PDE8A: variants seen among roughly 807,000 people sequenced by gnomAD.
The protein encoded by PDE8A is high affinity cAMP-specific and IBMX-insensitive 3',5'-cyclic phosphodiesterase 8A.
A neutral mutation model predicts 105.0 loss-of-function variants in PDE8A; 59 were observed. The observed-to-expected ratio is 0.56, with a 90% CI of 0.46 to 0.70. PDE8A has a LOEUF of 0.70. Among genes scored for constraint, PDE8A ranks in the 30% least tolerant of loss-of-function variants. The pLI is 0.00. For missense variants in PDE8A, 1,014 were observed against 1,045.9 expected (o/e 0.97, Z 0.42); for synonymous variants, 355 against 371.9 (o/e 0.95, Z 0.52).
chr15:85,015,717 G>C (rs1465683465), intron 1 of PDE8A, among the ~76,000 whole-genome samples: 1 of 151,926 alleles, frequency 6.6e-6, no homozygotes, highest in Non-Finnish European at 1.5e-5. Context: ...TCCTTTTTTT[G>C]TTAACTATCT....
chr15:84,991,119 G>T (rs1381969654), intron 1 of PDE8A, among the ~76,000 whole-genome samples: 1 of 152,130 alleles, frequency 6.6e-6, no homozygotes, highest in Non-Finnish European at 1.5e-5. Flanking sequence ...GACTGATTAA[G>T]CAAGTTACAC....
At chr15:85,008,280 T>C (rs568270804) in intron 1 of PDE8A, among the ~76,000 whole-genome samples, 8 of 152,218 alleles carry the variant, frequency 5.3e-5, no homozygotes, top group Non-Finnish European at 5.9e-5. Flanking sequence ...CAGGGAACTT[T>C]GCAATGTTGT....
chr15:85,023,091 GT>G (rs1271087885), intron 1 of PDE8A, among the ~76,000 whole-genome samples: 1 of 152,168 alleles, frequency 6.6e-6, no homozygotes, highest in Non-Finnish European at 1.5e-5. Context: ...GAACAGTACT[GT>G]TTTTCAGGTT....
At chr15:85,037,810 G>T (rs921740501) in intron 1 of PDE8A, among the ~76,000 whole-genome samples, 31 of 152,142 alleles carry the variant, frequency 2.0e-4, no homozygotes, top group African/African-American at 7.2e-4. Flanking sequence ...TAGACAAAAA[G>T]ATCATTTCTC....
At chr15:85,101,536 G>A (rs1230090557) in intron 11 of PDE8A, among the ~76,000 whole-genome samples, 1 of 152,180 alleles carries the variant, frequency 6.6e-6, no homozygotes, top group Admixed American at 6.5e-5. Context: ...AATGCTAGGT[G>A]GGAAGTTTCC....
intron 6 of PDE8A, among the ~76,000 whole-genome samples, chr15:85,088,143 T>C (rs1224403701): frequency 6.6e-6 from 1 of 152,176 alleles, no homozygotes; most frequent in African/African-American, 2.4e-5. Flanking sequence ...CTCAGGTTCC[T>C]GAAGTAGCTG....
intron 1 of PDE8A, among the ~76,000 whole-genome samples, chr15:84,991,711 A>G (rs975471945): frequency 3.3e-5 from 5 of 152,248 alleles, no homozygotes; most frequent in African/African-American, 1.2e-4. Context: ...CATAATGGAT[A>G]AAAAAGTTAT....
intron 1 of PDE8A, among the ~76,000 whole-genome samples, chr15:85,034,800 C>G (rs370058607): frequency 3.9e-5 from 6 of 152,314 alleles, no homozygotes; most frequent in African/African-American, 1.4e-4. Context: ...AACCTCTCAC[C>G]TTGGCTTCCC....
intron 1 of PDE8A, among the ~76,000 whole-genome samples, chr15:85,018,334 C>T (rs945871736): frequency 1.3e-5 from 2 of 152,196 alleles, no homozygotes; most frequent in African/African-American, 4.8e-5. Flanking sequence ...CACTCATTTA[C>T]TGATTTCTTC....
At chr15:85,100,107 G>A in intron 10 of PDE8A, 41 bp downstream of exon 10, 1 of 1,612,674 alleles carries the variant, frequency 6.2e-7, no homozygotes, top group Non-Finnish European at 8.5e-7. Flanking sequence ...GAACACCCCA[G>A]CAAGATTTTC....
At chr15:85,030,273 G>A (rs531487488) in intron 1 of PDE8A, among the ~76,000 whole-genome samples, 2 of 151,940 alleles carry the variant, frequency 1.3e-5, no homozygotes, top group East Asian at 3.9e-4. Flanking sequence ...AATATCTTCA[G>A]TTCCTGGAAC....
intron 1 of PDE8A, among the ~76,000 whole-genome samples, chr15:84,988,358 G>C (rs1343664308): frequency 1.3e-5 from 2 of 152,198 alleles, no homozygotes; most frequent in Non-Finnish European, 2.9e-5. Flanking sequence ...GCATTATCAG[G>C]ATTTTGTTAA....
intron 7 of PDE8A, among the ~76,000 whole-genome samples, chr15:85,090,270 A>G (rs2081619789): frequency 6.6e-6 from 1 of 152,208 alleles, no homozygotes; most frequent in Non-Finnish European, 1.5e-5. Flanking sequence ...TGGAAATAAT[A>G]TTAGTAAGAA....
intron 1 of PDE8A, among the ~76,000 whole-genome samples, chr15:85,022,430 T>G (rs1350403772): frequency 8.8e-6 from 1 of 113,234 alleles, no homozygotes; most frequent in Non-Finnish European, 2.2e-5. Context: ...GGAAGTGTTT[T>G]TTTTTTTTTT....
intron 1 of PDE8A, among the ~76,000 whole-genome samples, chr15:84,984,785 A>G (rs148581339): frequency 2.6e-5 from 4 of 152,348 alleles, no homozygotes; most frequent in African/African-American, 9.6e-5. Flanking sequence ...CCCTAATCAG[A>G]AAATGAGAAA....
intron 1 of PDE8A, among the ~76,000 whole-genome samples, chr15:85,020,159 A>G (rs975000668): frequency 2.6e-5 from 4 of 151,970 alleles, no homozygotes; most frequent in Admixed American, 6.6e-5. Flanking sequence ...TTTCTTAGGC[A>G]CAAGATTACT....
chr15:85,065,375 T>C (rs1388146117), intron 2 of PDE8A, among the ~76,000 whole-genome samples: 1 of 149,664 alleles, frequency 6.7e-6, no homozygotes, highest in Non-Finnish European at 1.5e-5. Flanking sequence ...GAGATATACC[T>C]AATGCTAGAT....
intron 18 of PDE8A, among the ~76,000 whole-genome samples, chr15:85,121,895 A>G (rs926305875): frequency 6.6e-6 from 1 of 152,162 alleles, no homozygotes; most frequent in Non-Finnish European, 1.5e-5. Flanking sequence ...ATCTTTTGTA[A>G]CTAGCTTTTT....
At chr15:85,076,086 A>T (rs2081376699) in intron 4 of PDE8A, among the ~76,000 whole-genome samples, 168 bp downstream of exon 4, 1 of 152,140 alleles carries the variant, frequency 6.6e-6, no homozygotes, top group African/African-American at 2.4e-5. Context: ...ACTTCCTGGA[A>T]GGACTTTGTG....
Sources: allele counts gnomAD v4.1 joint callset (sites outside exome capture counted in the v4.1 genomes callset), GRCh38; gene constraint gnomAD v4.1.1; transcripts MANE v1.5; gene names NCBI Gene and HGNC (gene_info 2026-07-23, HGNC 2026-07-21).